TAF3: variants seen among roughly 807,000 people sequenced by gnomAD.
The protein encoded by TAF3 is transcription initiation factor TFIID subunit 3.
A neutral mutation model predicts 80.6 loss-of-function variants in TAF3; 7 were observed. That is an observed-to-expected ratio of 0.09 (90% CI 0.05 to 0.16). The LOEUF (loss-of-function observed/expected upper bound fraction) is 0.16, where lower values mean the gene tolerates loss of function less well. Among genes scored for constraint, TAF3 ranks in the 10% least tolerant of loss-of-function variants. The probability of loss-of-function intolerance (pLI) is 1.00; values close to 1 mark genes in which losing one functional copy is unlikely to be tolerated. For synonymous variants in TAF3, 444 were observed against 446.1 expected, an observed-to-expected ratio of 1.00 and a Z score of 0.06; for missense variants, 921 against 1,140.2, an observed-to-expected ratio of 0.81 and a Z score of 2.77.
intron 2 of TAF3, among the ~76,000 whole-genome samples, chr10:7,948,246 TTTTC>T (rs1199815990): frequency 4.1e-5 from 6 of 146,326 alleles, no homozygotes; most frequent in Non-Finnish European, 7.5e-5. Context: ...TTTTCTTTTC[TTTTC>T]TTTCTTTCTT....
chr10:8,000,996 T>A lies in TAF3; in HGVS notation c.2316-8082T>A, dbSNP rs1831938757. 1.3e-5 allele frequency among the ~76,000 whole-genome samples: 2 copies of A among 152,258 alleles called. 1 individual carries two copies. Among genetic ancestry groups the A allele is most frequent in the South Asian group, 4.1e-4 (2 of 4,836 alleles). On this transcript the variant is annotated intron_variant, in intron 4 of 6. Transcript: ENST00000344293. ...CACACATGTGTATCACCACTTCAGA[T>A]AACAACATGGTGTTTGTTCATCATC... is the stretch of plus-strand genomic sequence containing the variant.
chr10:8,013,881 A>T, intron 6 of TAF3, 44 bp downstream of exon 6: 1 of 1,519,328 alleles, frequency 6.6e-7, no homozygotes, highest in South Asian at 1.1e-5. Flanking sequence ...ATTAGGCAGC[A>T]TCAGCCGCTC....
intron 4 of TAF3, among the ~76,000 whole-genome samples, chr10:8,003,958 A>G (rs546242605): frequency 3.9e-5 from 6 of 152,344 alleles, no homozygotes; most frequent in African/African-American, 7.2e-5. Flanking sequence ...TCATAAAAAA[A>G]AATGTTATCT....
intron 2 of TAF3, among the ~76,000 whole-genome samples, chr10:7,864,031 T>C (rs1837184298): frequency 6.6e-6 from 1 of 152,128 alleles, no homozygotes; most frequent in Non-Finnish European, 1.5e-5. Context: ...TTCCCCACTG[T>C]CAGTATCCTA....
Position 8,009,236 on chromosome 10 carries a change from C to G in TAF3, c.2474C>G (p.Pro825Arg). The G allele has an allele frequency of 6.7e-7, 1 of 1,496,296 alleles. No individual in the cohort carries two copies. The allele number at this position is 1,496,296 out of a possible 1,614,324, so 92.7% of individuals were successfully genotyped here. The change falls in exon 5 of 7, where the codon CCT becomes CGT. Residue 825 changes from proline to arginine, a missense_variant. Physicochemically the swap from Pro to Arg is moderately radical, Grantham distance 103 (BLOSUM62 -2). Transcript: ENST00000344293. This position sits in a 1 kb window ranked among gnomAD's most constrained non-coding sequence, Gnocchi z 4.1. ...CTGCTCGCCCAGGCCGCCGCGGGCC[C>G]TGCCCTGCTGCCCTCCCCGGGTCCC... ...LPLLAQAAAG[P>R]ALLPSPGPAA...
chr10:8,000,308 G>C (rs1208204920), intron 4 of TAF3, among the ~76,000 whole-genome samples: 1 of 151,948 alleles, frequency 6.6e-6, no homozygotes, highest in Non-Finnish European at 1.5e-5. Flanking sequence ...GTAGAGACAG[G>C]GTTTCACTAT....
intron 2 of TAF3, among the ~76,000 whole-genome samples, chr10:7,935,230 T>G (rs1278365356): frequency 6.6e-6 from 1 of 151,802 alleles, no homozygotes; most frequent in Non-Finnish European, 1.5e-5. Flanking sequence ...TGAGCCAAGA[T>G]CGTGCCACTG....
chr10:7,948,206 G>A (rs978816089), intron 2 of TAF3, among the ~76,000 whole-genome samples: 6 of 151,214 alleles, frequency 4.0e-5, no homozygotes, highest in African/African-American at 1.5e-4. Flanking sequence ...GGGTCCACAG[G>A]TGGGCACCAC....
At chr10:8,006,063 C>T (rs953576004) in intron 4 of TAF3, among the ~76,000 whole-genome samples, 1 of 152,182 alleles carries the variant, frequency 6.6e-6, no homozygotes, top group African/African-American at 2.4e-5. Context: ...GGCACCGTGG[C>T]TTACGCCTGT....
Position 7,824,535 on chromosome 10 carries a change from G to A in TAF3, c.384G>A (p.Leu128=). Residue 128 remains leucine (L), a synonymous_variant, in exon 2 of 7, where the codon CTG becomes CTA. Transcript: ENST00000344293. ...GAAAAGAATACATTCCTGATTACCTGCCACCCATTGTGTCTTCTCAAGAAG... is the reference window on the plus strand; with the variant it reads ...GAAAAGAATACATTCCTGATTACCTACCACCCATTGTGTCTTCTCAAGAAG... ...EERKEYIPDY[L]PPIVSSQEEE... 3 of 1,614,064 alleles carry A rather than the reference G, an allele frequency of 1.9e-6. No homozygotes were observed. The highest frequency in any genetic ancestry group is 2.5e-6 in the Non-Finnish European group (3 of 1,179,986).
intron 2 of TAF3, among the ~76,000 whole-genome samples, chr10:7,847,170 T>C (rs1339297246): frequency 2.0e-5 from 3 of 152,224 alleles, no homozygotes; most frequent in Non-Finnish European, 4.4e-5. Context: ...TTTCAGACTC[T>C]GGGTCTTCAG....
chr10:7,961,409 A>G lies in TAF3; in HGVS notation c.410-2511A>G, dbSNP rs1838188689. On this transcript the variant is annotated intron_variant, in intron 2 of 6. Transcript: ENST00000344293. ...TGTGCATCCTTCATGCTTTTGCAGCATGGCTTCTGCTGTTGGCCTCATCCT... is the reference window on the plus strand; with the variant it reads ...TGTGCATCCTTCATGCTTTTGCAGCGTGGCTTCTGCTGTTGGCCTCATCCT... 2.6e-5 allele frequency among the ~76,000 whole-genome samples: 4 copies of G among 152,174 alleles called. No individual in the cohort carries two copies. In the South Asian group the frequency reaches 8.3e-4, roughly 32 times the overall value.
chr10:7,970,840 A>G (rs543776370), intron 3 of TAF3, among the ~76,000 whole-genome samples: 1 of 152,260 alleles, frequency 6.6e-6, no homozygotes, highest in African/African-American at 2.4e-5. Flanking sequence ...ATTGGTTTGT[A>G]CCTTTAAGGA....
intron 4 of TAF3, among the ~76,000 whole-genome samples, chr10:7,990,708 A>C (rs1350751389): frequency 6.6e-6 from 1 of 152,218 alleles, no homozygotes. Context: ...AAAACAATTC[A>C]GAGATTCCCC....
At chr10:7,849,604 T>C (rs1837006266) in intron 2 of TAF3, among the ~76,000 whole-genome samples, 1 of 152,196 alleles carries the variant, frequency 6.6e-6, no homozygotes, top group African/African-American at 2.4e-5. Context: ...TTCATAGCTT[T>C]CTGTTATTAT....
At chr10:7,846,150 G>T (rs1420235712) in intron 2 of TAF3, among the ~76,000 whole-genome samples, 1 of 151,728 alleles carries the variant, frequency 6.6e-6, no homozygotes, top group Non-Finnish European at 1.5e-5. Context: ...GTAGAGATGG[G>T]GTTTCACCGT....
chr10:7,968,722 C>T (rs1416270583), intron 3 of TAF3, among the ~76,000 whole-genome samples: 2 of 152,132 alleles, frequency 1.3e-5, no homozygotes, highest in Non-Finnish European at 2.9e-5. Flanking sequence ...GATCACACAT[C>T]TAGTAAGTGA....
intron 4 of TAF3, among the ~76,000 whole-genome samples, chr10:8,005,789 C>T (rs1181001515): frequency 6.6e-6 from 1 of 152,146 alleles, no homozygotes; most frequent in Non-Finnish European, 1.5e-5. Flanking sequence ...GATATAAATG[C>T]CATAGCGATA....
chr10:7,954,274 T>C (rs1447719140), intron 2 of TAF3, among the ~76,000 whole-genome samples: 2 of 136,674 alleles, frequency 1.5e-5, no homozygotes, highest in African/African-American at 5.3e-5. Flanking sequence ...GGATTAGTCC[T>C]AGTTAACACA....
Sources: gnomAD v4.1 joint callset for allele counts (sites outside exome capture counted in the v4.1 genomes callset) on GRCh38, gnomAD v4.1.1 for gene constraint, Gnocchi (gnomAD v3.1) non-coding constraint, MANE v1.5 for transcripts, NCBI Gene and HGNC (gene_info 2026-07-23, HGNC 2026-07-21) for gene names.